Variants in PRKN observed in about 807,000 individuals in gnomAD.
PRKN encodes parkin RBR E3 ubiquitin protein ligase.
A neutral mutation model predicts 59.5 loss-of-function variants in PRKN; 56 were observed. The observed-to-expected ratio is 0.94, with a 90% CI of 0.76 to 1.18. PRKN has a LOEUF of 1.18. Among genes scored for constraint, PRKN ranks in the 50% most tolerant of loss-of-function variants. PRKN has a pLI of 0.00. For missense variants in PRKN, 657 were observed against 596.4 expected (o/e 1.10, Z -1.06); for synonymous variants, 250 against 222.1 (o/e 1.13, Z -1.12).
intron 2 of PRKN, among the ~76,000 whole-genome samples, chr6:162,403,611 C>G (rs1415059673): frequency 6.6e-6 from 1 of 152,080 alleles, no homozygotes; most frequent in Non-Finnish European, 1.5e-5. Flanking sequence ...TAAAACACAG[C>G]CTGACACAGG....
chr6:162,284,216 T>TTTC (rs1554295375), intron 2 of PRKN, among the ~76,000 whole-genome samples: 6 of 48,704 alleles, frequency 1.2e-4, no homozygotes, highest in African/African-American at 5.4e-4. Context: ...TATTTCTTTC[T>TTTC]TTTTTTTTTT....
chr6:161,674,235 C>A (rs956568828), intron 7 of PRKN, among the ~76,000 whole-genome samples: 1 of 151,938 alleles, frequency 6.6e-6, no homozygotes, highest in African/African-American at 2.4e-5. Context: ...TAAGTATGAA[C>A]TGAAGGCTTA....
At chr6:162,533,988 A>AAAAAAAAAAG (rs71004099) in intron 1 of PRKN, among the ~76,000 whole-genome samples, 1 of 143,678 alleles carries the variant, frequency 7.0e-6, no homozygotes. Flanking sequence ...AAAAAAAAAA[A>AAAAAAAAAAG]GAGATATGAA....
At chr6:161,650,278 T>G (rs1274506577) in intron 7 of PRKN, among the ~76,000 whole-genome samples, 1 of 152,124 alleles carries the variant, frequency 6.6e-6, no homozygotes, top group Non-Finnish European at 1.5e-5. Context: ...GAGAGAGAAT[T>G]AAGAGACTCA....
At chr6:161,875,002 T>TAATAA (rs1794660740) in intron 6 of PRKN, among the ~76,000 whole-genome samples, 1 of 83,608 alleles carries the variant, frequency 1.2e-5, no homozygotes, top group Non-Finnish European at 2.0e-5. Context: ...ATATATAATA[T>TAATAA]ATTATATATT....
intron 1 of PRKN, among the ~76,000 whole-genome samples, chr6:162,659,585 C>T (rs987024337): frequency 2.6e-5 from 4 of 152,004 alleles, no homozygotes. Flanking sequence ...TCAATTAATG[C>T]ATATTTTTCA....
intron 1 of PRKN, among the ~76,000 whole-genome samples, chr6:162,570,484 G>A (rs1780275543): frequency 6.6e-6 from 1 of 152,134 alleles, no homozygotes; most frequent in Non-Finnish European, 1.5e-5. Flanking sequence ...CAAAAGAAAG[G>A]AAATCAGTGT....
chr6:161,870,479 T>A (rs1430937574), intron 6 of PRKN, among the ~76,000 whole-genome samples: 2 of 152,186 alleles, frequency 1.3e-5, no homozygotes, highest in Non-Finnish European at 2.9e-5. Flanking sequence ...CCTTACATAA[T>A]TATCTCATGT....
At chr6:161,565,511 G>A (rs552902889) in intron 8 of PRKN, among the ~76,000 whole-genome samples, 1 of 152,242 alleles carries the variant, frequency 6.6e-6, no homozygotes, top group African/African-American at 2.4e-5. Context: ...TCGTGATGGT[G>A]AATGAGTCCT....
chr6:161,507,383 T>C (rs1463049407), intron 9 of PRKN, among the ~76,000 whole-genome samples: 1 of 152,176 alleles, frequency 6.6e-6, no homozygotes, highest in African/African-American at 2.4e-5. Flanking sequence ...GGGGCATCAG[T>C]TCTCAGTTTT....
Position 161,488,648 on chromosome 6 carries a change from G to C in PRKN, c.1083+60206C>G, listed in dbSNP as rs1158986493. 6.6e-6 allele frequency among the ~76,000 whole-genome samples: 1 copy of C among 152,080 alleles called. No individual in the cohort carries two copies. The highest frequency in any genetic ancestry group is 6.6e-5 in the Admixed American group (1 of 15,260). On this transcript the variant is annotated intron_variant, in intron 9 of 11. Transcript: ENST00000366898. This position sits in a 1 kb window ranked among gnomAD's most constrained non-coding sequence, Gnocchi z 4.5. The stretch of plus-strand genomic sequence containing the variant: ...CTAAAGGCATGCACCACCACACCTG[G>C]CTAATTTTTAAAATTTTTTGTAGAG...
At chr6:162,551,720 G>GT (rs150933767) in intron 1 of PRKN, among the ~76,000 whole-genome samples, 5,560 of 152,254 alleles carry the variant, frequency 0.037, 155 homozygotes, top group Admixed American at 0.053. Context: ...CCTCATCGTT[G>GT]TAACATGTAT....
At chr6:162,684,533 TG>T (rs1779894564) in intron 1 of PRKN, among the ~76,000 whole-genome samples, 1 of 152,126 alleles carries the variant, frequency 6.6e-6, no homozygotes, top group Non-Finnish European at 1.5e-5. Context: ...TTAGAGAGGG[TG>T]GGAAACTCAG....
intron 6 of PRKN, among the ~76,000 whole-genome samples, chr6:161,904,162 G>A (rs1478004957): frequency 6.6e-6 from 1 of 151,796 alleles, no homozygotes; most frequent in Admixed American, 6.6e-5. Flanking sequence ...CTTTTTATTT[G>A]GATTAATTAA....
chr6:162,536,213 CAT>C (rs902414228), intron 1 of PRKN, among the ~76,000 whole-genome samples: 7 of 152,106 alleles, frequency 4.6e-5, no homozygotes, highest in Admixed American at 2.0e-4. Context: ...TACTGTAAAA[CAT>C]GTGTGCTATA....
chr6:162,133,206 C>CT (rs1781440919), intron 4 of PRKN, among the ~76,000 whole-genome samples: 1 of 152,166 alleles, frequency 6.6e-6, no homozygotes, highest in Non-Finnish European at 1.5e-5. Flanking sequence ...GGGCAGGAGG[C>CT]TGCTGCCTGG....
chr6:161,908,387 T>C (rs1158526429), intron 6 of PRKN, among the ~76,000 whole-genome samples: 1 of 152,178 alleles, frequency 6.6e-6, no homozygotes, highest in African/African-American at 2.4e-5. Flanking sequence ...TCCTGCCAGA[T>C]TGCCAGTTAC....
chr6:162,021,157 T>TAA (rs1783157570), intron 5 of PRKN, among the ~76,000 whole-genome samples: 1 of 20,284 alleles, frequency 4.9e-5, no homozygotes, highest in East Asian at 2.2e-3. Flanking sequence ...TATATATATA[T>TAA]ATATATATAA....
At position 161,409,194 on chromosome 6, in the gene PRKN, C is replaced by A. The variant is rs60847850; in HGVS notation, c.1084-22317G>T. Among the ~76,000 whole-genome samples the A allele has an allele frequency of 0.025, 3,830 of 152,232 alleles. 164 individuals carry two copies. Among genetic ancestry groups the A allele is most frequent in the African/African-American group, 0.089 (3,690 of 41,496 alleles). ...CTCCTGACCTTGTGATCCACCCGCA[C>A]TGGACTCCCAAACTGCTGGGATTAC... On this transcript the variant is annotated intron_variant, in intron 9 of 11. Coordinates refer to ENST00000366898, the MANE Select transcript of PRKN (RefSeq NM_004562.3). The surrounding 1 kb of genome is among the most constrained non-coding windows in gnomAD (Gnocchi z 4.6).
Sources: gnomAD v4.1 joint callset for allele counts (sites outside exome capture counted in the v4.1 genomes callset) on GRCh38, gnomAD v4.1.1 for gene constraint, Gnocchi (gnomAD v3.1) non-coding constraint, MANE v1.5 for transcripts, NCBI Gene and HGNC (gene_info 2026-07-23, HGNC 2026-07-21) for gene names.